Variants in STK32B observed in about 807,000 individuals in gnomAD.
The protein encoded by STK32B is serine/threonine kinase 32B, also known as serine/threonine-protein kinase 32B.
A neutral mutation model predicts 52.6 loss-of-function variants in STK32B; 43 were observed. The observed-to-expected ratio is 0.82, with a 90% CI of 0.64 to 1.05. The LOEUF (loss-of-function observed/expected upper bound fraction) is 1.05, where lower values mean the gene tolerates loss of function less well. STK32B is among the 50% of genes least tolerant of loss of function. STK32B has a pLI of 0.00. For missense variants in STK32B, 621 were observed against 534.6 expected (o/e 1.16, Z -1.59); for synonymous variants, 238 against 204.3 (o/e 1.17, Z -1.41).
intron 11 of STK32B, among the ~76,000 whole-genome samples, chr4:5,478,062 A>C (rs1200750116): frequency 1.3e-5 from 2 of 152,174 alleles, no homozygotes; most frequent in Admixed American, 1.3e-4. Context: ...TTAGCTGGGA[A>C]GAGGGGAAGA....
intron 6 of STK32B, among the ~76,000 whole-genome samples, chr4:5,417,786 G>A (rs553550724): frequency 1.3e-5 from 2 of 152,304 alleles, no homozygotes; most frequent in South Asian, 2.1e-4. Flanking sequence ...CAATCACAAC[G>A]TTATTTCTCA....
chr4:5,230,122 A>C (rs1390976097), intron 3 of STK32B, among the ~76,000 whole-genome samples: 1 of 150,154 alleles, frequency 6.7e-6, no homozygotes, highest in Non-Finnish European at 1.5e-5. Flanking sequence ...CAGCCTCCCA[A>C]AACCTAGTAC....
chr4:5,358,718 C>A (rs1163900487), intron 4 of STK32B, among the ~76,000 whole-genome samples: 9 of 146,082 alleles, frequency 6.2e-5, no homozygotes, highest in Admixed American at 6.1e-4. Flanking sequence ...CACACACACA[C>A]ACACAGGCAC....
intron 3 of STK32B, among the ~76,000 whole-genome samples, chr4:5,317,364 T>TATA (rs2108930141): frequency 1.1e-5 from 1 of 93,676 alleles, no homozygotes; most frequent in African/African-American, 6.6e-5. Flanking sequence ...ATATATAATG[T>TATA]ATATGTATTA....
chr4:5,330,933 C>G (rs905042558), intron 3 of STK32B, among the ~76,000 whole-genome samples: 4 of 152,120 alleles, frequency 2.6e-5, no homozygotes, highest in Middle Eastern at 3.2e-3. Context: ...ATGCTGGAGT[C>G]CAGTAGTAGT....
intron 3 of STK32B, among the ~76,000 whole-genome samples, chr4:5,261,754 A>AT: frequency 6.6e-6 from 1 of 152,234 alleles, no homozygotes; most frequent in Admixed American, 6.5e-5. Context: ...TATTGTTATT[A>AT]TTATTACTTT....
intron 3 of STK32B, among the ~76,000 whole-genome samples, chr4:5,279,964 T>C (rs1014284182): frequency 7.9e-5 from 12 of 152,290 alleles, no homozygotes; most frequent in Non-Finnish European, 1.5e-4. Context: ...CTTCTAGGCC[T>C]CCAGGCTTGT....
intron 3 of STK32B, among the ~76,000 whole-genome samples, chr4:5,301,753 T>G (rs1027276294): frequency 1.1e-4 from 16 of 151,348 alleles, no homozygotes; most frequent in Non-Finnish European, 1.9e-4. Flanking sequence ...TAGCTTTTTT[T>G]TTTTTGAAAA....
intron 3 of STK32B, among the ~76,000 whole-genome samples, chr4:5,313,454 A>G (rs1276235463): frequency 6.7e-6 from 1 of 149,678 alleles, no homozygotes; most frequent in Non-Finnish European, 1.5e-5. Flanking sequence ...GGCACAAGGT[A>G]AGGATTTTTG....
intron 4 of STK32B, among the ~76,000 whole-genome samples, chr4:5,341,158 G>A (rs995916796): frequency 6.6e-6 from 1 of 152,112 alleles, no homozygotes; most frequent in Non-Finnish European, 1.5e-5. Flanking sequence ...GGATTTCATC[G>A]ACTCCTCACA....
intron 3 of STK32B, among the ~76,000 whole-genome samples, chr4:5,250,433 C>T (rs539442453): frequency 1.3e-5 from 2 of 151,868 alleles, no homozygotes; most frequent in Admixed American, 6.6e-5. Context: ...CTACCTCAGC[C>T]TCCTGAGTAG....
intron 5 of STK32B, among the ~76,000 whole-genome samples, chr4:5,406,549 C>T (rs910093188): frequency 1.3e-5 from 2 of 152,208 alleles, no homozygotes; most frequent in East Asian, 3.8e-4. Flanking sequence ...CATTTCCATA[C>T]ATTCTCTGAA....
intron 3 of STK32B, among the ~76,000 whole-genome samples, chr4:5,215,329 T>C (rs1411218689): frequency 1.3e-5 from 2 of 152,202 alleles, no homozygotes. Flanking sequence ...TAAAGATCTT[T>C]AGTCACTTCA....
intron 3 of STK32B, among the ~76,000 whole-genome samples, chr4:5,208,130 C>T (rs573967214): frequency 6.6e-6 from 1 of 152,208 alleles, no homozygotes; most frequent in Admixed American, 6.5e-5. Flanking sequence ...CTCTGCTCAC[C>T]AGGTGATTCA....
chr4:5,263,062 T>C (rs1023506473), intron 3 of STK32B, among the ~76,000 whole-genome samples: 1 of 151,922 alleles, frequency 6.6e-6, no homozygotes, highest in South Asian at 2.1e-4. Flanking sequence ...TCTTATTTTA[T>C]TGAATTGGCT....
intron 3 of STK32B, among the ~76,000 whole-genome samples, chr4:5,315,156 A>G (rs894866512): frequency 2.0e-5 from 3 of 152,184 alleles, no homozygotes; most frequent in African/African-American, 7.2e-5. Context: ...TTAAAAAATG[A>G]GCAAAAGACA....
intron 3 of STK32B, among the ~76,000 whole-genome samples, chr4:5,263,383 G>C (rs1226735123): frequency 6.6e-6 from 1 of 152,152 alleles, no homozygotes; most frequent in Non-Finnish European, 1.5e-5. Flanking sequence ...GCCACAGCAG[G>C]GGTGTCATCC....
Position 5,369,402 on chromosome 4 carries a change from G to C in STK32B, c.435-28805G>C, listed in dbSNP as rs557588332. Among the ~76,000 whole-genome samples, 260 of 152,098 alleles carry C rather than the reference G, an allele frequency of 1.7e-3. 1 individual carries two copies. Among genetic ancestry groups the C allele is most frequent in the African/African-American group, 5.1e-3 (212 of 41,500 alleles). On this transcript the variant is annotated intron_variant, in intron 4 of 11. Coordinates refer to ENST00000282908, the MANE Select transcript of STK32B (RefSeq NM_018401.3). ...AGCCAAAACTAATTCTTGCTCATCT[G>C]TCTACATCTCATTTTCATTCTTTCT... is the stretch of plus-strand genomic sequence containing the variant.
At chr4:5,337,802 A>G (rs535486832) in intron 4 of STK32B, among the ~76,000 whole-genome samples, 96 of 152,290 alleles carry the variant, frequency 6.3e-4, no homozygotes, top group Non-Finnish European at 5.3e-4. Context: ...AGCTTACTAA[A>G]TGAGTCAGCT....
Sources: gnomAD v4.1 joint callset for allele counts (sites outside exome capture counted in the v4.1 genomes callset) on GRCh38, gnomAD v4.1.1 for gene constraint, MANE v1.5 for transcripts, NCBI Gene and HGNC (gene_info 2026-07-23, HGNC 2026-07-21) for gene names.